Variants in ACBD5 observed in about 807,000 individuals in gnomAD.
The protein encoded by ACBD5 is acyl-CoA-binding domain-containing protein 5.
Under a neutral mutation model 71.8 loss-of-function variants are expected in ACBD5, and 40 were observed. That is an observed-to-expected ratio of 0.56 (90% confidence interval 0.43 to 0.72). ACBD5 has a LOEUF of 0.72. Among genes scored for constraint, ACBD5 ranks in the 30% least tolerant of loss-of-function variants. The pLI is 0.00. For synonymous variants in ACBD5, 229 were observed against 218.6 expected (o/e 1.05, Z -0.42); for missense variants, 559 against 644.5 (o/e 0.87, Z 1.44).
rs11015608 is a variant in ACBD5, at chr10:27,211,406, C to T, written c.937-325G>A. On this transcript the variant is annotated intron_variant, in intron 8 of 12. Coordinates refer to ENST00000396271, the MANE Select transcript of ACBD5 (RefSeq NM_145698.5). ...CACGATCTCGGCTCACTGCAACCTC[C>T]ACCTCCCGGGTTCAAGCAATTCTCC... Among the ~76,000 whole-genome samples, 10,591 of 152,076 alleles carry T rather than the reference C, an allele frequency of 0.07. 689 individuals carry two copies. Among genetic ancestry groups the T allele is most frequent in the African/African-American group, 0.17 (7,088 of 41,460 alleles).
intron 7 of ACBD5, among the ~76,000 whole-genome samples, chr10:27,217,754 C>A (rs938560161): frequency 6.6e-6 from 1 of 151,960 alleles, no homozygotes; most frequent in African/African-American, 2.4e-5. Context: ...TGCAGTGAGC[C>A]ATGACTATGC....
In ACBD5 at chr10:27,210,715, A is replaced by G. The variant is rs1035904059; in HGVS notation, c.1204+99T>C. ...AGAGGTTGCAGTGAGCCGAGATTGC[A>G]CCACCGCACACCAGCCTGGGCGACA... On this transcript the variant is annotated intron_variant, in intron 9 of 12. Coordinates refer to ENST00000396271, the MANE Select transcript of ACBD5 (RefSeq NM_145698.5). 1.5e-5 allele frequency: 23 copies of G among 1,514,774 alleles called. No individual in the cohort carries two copies. The African/African-American group carries it at 3.0e-4, about 20-fold the overall frequency. The allele number at this position is 1,514,774 out of a possible 1,614,324, so 93.8% of individuals were successfully genotyped here. A position where few individuals can be genotyped will look rare whatever the true frequency, so the allele number is the denominator to read the frequency against.
intron 7 of ACBD5, among the ~76,000 whole-genome samples, chr10:27,215,943 C>T (rs958454757): frequency 2.6e-5 from 4 of 152,126 alleles, no homozygotes; most frequent in East Asian, 1.9e-4. Context: ...GGTGCGATCT[C>T]GGCTCACAGC....
At chr10:27,221,059 A>C (rs891042500) in intron 5 of ACBD5, among the ~76,000 whole-genome samples, 2 of 152,240 alleles carry the variant, frequency 1.3e-5, no homozygotes, top group Non-Finnish European at 2.9e-5. Flanking sequence ...AGATCAAAGG[A>C]GTAAATAACC....
At chr10:27,191,128 TAAG>T (rs772974859), downstream of ACBD5, among the ~76,000 whole-genome samples, 3 of 152,152 alleles carry the variant, frequency 2.0e-5, no homozygotes, top group Non-Finnish European at 4.4e-5. Context: ...TATTCAGCGC[TAAG>T]AAGAAATGAA....
intron 4 of ACBD5, among the ~76,000 whole-genome samples, chr10:27,228,933 C>T (rs1403994941): frequency 1.3e-5 from 2 of 148,308 alleles, no homozygotes; most frequent in East Asian, 2.0e-4. Flanking sequence ...ATTTTCCTGC[C>T]TCAGCCTCCC....
chr10:27,234,966 T>A (rs1589381052), intron 3 of ACBD5, 126 bp downstream of exon 3: 1 of 965,188 alleles, frequency 1.0e-6, no homozygotes, highest in East Asian at 2.7e-5. Context: ...ACCTGGAGGA[T>A]AAAAATTGTA....
chr10:27,232,068 T>C (rs1431665966), intron 3 of ACBD5, among the ~76,000 whole-genome samples: 1 of 152,140 alleles, frequency 6.6e-6, no homozygotes, highest in Non-Finnish European at 1.5e-5. Flanking sequence ...CTACAGACCA[T>C]TCATAAATAT....
At chr10:27,203,223 C>A (rs1453091809) in intron 12 of ACBD5, among the ~76,000 whole-genome samples, 1 of 151,916 alleles carries the variant, frequency 6.6e-6, no homozygotes, top group African/African-American at 2.4e-5. Context: ...TGGGCTCAAG[C>A]AATCCACCCA....
chr10:27,224,209 A>C (rs1188216003), intron 4 of ACBD5, among the ~76,000 whole-genome samples: 2 of 151,764 alleles, frequency 1.3e-5, no homozygotes, highest in African/African-American at 4.8e-5. Context: ...CTACAAAAAA[A>C]AAAAAAAAAA....
chr10:27,195,781 T>G lies in ACBD5; in HGVS notation c.*1649A>C, dbSNP rs2059327895. 1 of 409,736 alleles carries G rather than the reference T, an allele frequency of 2.4e-6. No homozygotes were observed. Among genetic ancestry groups the G allele is most frequent in the African/African-American group, 2.1e-5 (1 of 47,492 alleles). 25.4% of individuals were successfully genotyped at this position (409,736 alleles called of 1,614,324 possible). A position where few individuals can be genotyped will look rare whatever the true frequency, so the allele number is the denominator to read the frequency against. ...GAAAAAGAGTTTGGGAAAAGTAAAT[T>G]GTATTCTTATACTTTTCAGGCAAAC... On this transcript the variant is annotated 3_prime_UTR_variant, in exon 13 of 13. Transcript: ENST00000396271.
intron 13 of ACBD5, chr10:27,186,345 A>G: frequency 6.3e-7 from 1 of 1,593,038 alleles, no homozygotes; most frequent in Non-Finnish European, 8.6e-7. Flanking sequence ...TTAGGTAATG[A>G]TATCATACTG....
At chr10:27,237,184 C>T (rs1037251258) in intron 2 of ACBD5, among the ~76,000 whole-genome samples, 1 of 150,368 alleles carries the variant, frequency 6.7e-6, no homozygotes, top group Non-Finnish European at 1.5e-5. Flanking sequence ...AGTAAGTCAA[C>T]CAAATATGTT....
At chr10:27,187,962 G>A (rs1375970474) in intron 13 of ACBD5, among the ~76,000 whole-genome samples, 1 of 152,098 alleles carries the variant, frequency 6.6e-6, no homozygotes, top group Non-Finnish European at 1.5e-5. Flanking sequence ...TACATTATCT[G>A]TCAACATCAT....
At chr10:27,189,629 G>GGA (rs2058984938) in intron 13 of ACBD5, among the ~76,000 whole-genome samples, 1 of 26,796 alleles carries the variant, frequency 3.7e-5, no homozygotes, top group Non-Finnish European at 1.1e-4. Flanking sequence ...TTGTGGGGTG[G>GGA]GGGGGAGGGA....
chr10:27,201,471 T>C (rs985679049), intron 12 of ACBD5, among the ~76,000 whole-genome samples: 35 of 152,236 alleles, frequency 2.3e-4, no homozygotes, highest in Admixed American at 1.7e-3. Flanking sequence ...ACTTTATGTA[T>C]TAATTTTAAT....
intron 7 of ACBD5, among the ~76,000 whole-genome samples, chr10:27,217,508 T>C (rs1392270596): frequency 6.7e-6 from 1 of 149,760 alleles, no homozygotes; most frequent in African/African-American, 2.5e-5. Flanking sequence ...ACATGTACTA[T>C]TATGTATCCC....
chr10:27,185,191 C>T (rs1482152854), intron 13 of ACBD5, among the ~76,000 whole-genome samples: 3 of 152,190 alleles, frequency 2.0e-5, no homozygotes, highest in Non-Finnish European at 4.4e-5. Flanking sequence ...GCAATAGATA[C>T]TGCTAAGGAG....
At chr10:27,219,578 G>A in intron 6 of ACBD5, 145 bp downstream of exon 6, 1 of 1,020,260 alleles carries the variant, frequency 9.8e-7, no homozygotes, top group Non-Finnish European at 1.5e-6. Flanking sequence ...AGAGCCTTTT[G>A]GTCCACAGCA....
Sources: gnomAD v4.1 joint callset for allele counts (sites outside exome capture counted in the v4.1 genomes callset) on GRCh38, gnomAD v4.1.1 for gene constraint, MANE v1.5 for transcripts, NCBI Gene and HGNC (gene_info 2026-07-23, HGNC 2026-07-21) for gene names.